Variants in PRDM2 observed in about 807,000 individuals in gnomAD.
The protein encoded by PRDM2 is PR domain zinc finger protein 2.
In PRDM2, 30 loss-of-function variants were observed where a neutral mutation model predicts 130.0. The ratio of observed to expected loss-of-function variants is 0.23; its 90% CI spans 0.17 to 0.31. PRDM2 has a LOEUF of 0.31. Ranked by LOEUF, PRDM2 falls within the 10% of genes least tolerant of loss-of-function variation. The pLI is 1.00. For synonymous variants in PRDM2, 871 were observed against 782.4 expected, an observed-to-expected ratio of 1.11 and a Z score of -1.89; for missense variants, 2,011 against 2,108.4, an observed-to-expected ratio of 0.95 and a Z score of 0.90.
chr1:13,729,860 G>A (rs1643046739), intron 2 of PRDM2, among the ~76,000 whole-genome samples: 1 of 152,180 alleles, frequency 6.6e-6, no homozygotes, highest in South Asian at 2.1e-4. Context: ...AGATGACCAT[G>A]TTTATAATGA....
At chr1:13,750,531 TC>T (rs1643796317) in intron 6 of PRDM2, among the ~76,000 whole-genome samples, 1 of 152,284 alleles carries the variant, frequency 6.6e-6, no homozygotes, top group Admixed American at 6.5e-5. Context: ...TATCGTAAAC[TC>T]GATTTGGGAA....
At chr1:13,813,252 G>T (rs944734809) in intron 8 of PRDM2, among the ~76,000 whole-genome samples, 1 of 152,158 alleles carries the variant, frequency 6.6e-6, no homozygotes, top group African/African-American at 2.4e-5. Context: ...ACAGCTAGTG[G>T]GTGGGAACCA....
Position 13,781,279 on chromosome 1 carries a change from T to C in PRDM2, c.3484T>C (p.Phe1162Leu). Residue 1162 changes from phenylalanine to leucine, a missense_variant, in exon 8 of 10, where the codon TTC (phenylalanine) becomes CTC (leucine). Physicochemically the swap from Phe to Leu is conservative, Grantham distance 22 (BLOSUM62 0). Coordinates refer to ENST00000311066, the MANE Select transcript of PRDM2 (RefSeq NM_001393986.1). The surrounding 1 kb of genome is among the most constrained non-coding windows in gnomAD (Gnocchi z 6.1). Reference sequence around the variant, plus strand: ...ATCTATTCATGCTGAAGAATGGCCCTTCAAATGTGAATTTTGTGTGCAGCT... The same window carrying C: ...ATCTATTCATGCTGAAGAATGGCCCCTCAAATGTGAATTTTGTGTGCAGCT... Reference protein sequence around the residue: ...HLSIHAEEWPFKCEFCVQLFK... With the variant: ...HLSIHAEEWPLKCEFCVQLFK... 8 of 1,614,262 alleles carry C rather than the reference T, an allele frequency of 5.0e-6. No homozygotes were observed. The highest frequency in any genetic ancestry group is 6.8e-6 in the Non-Finnish European group (8 of 1,180,050).
At chr1:13,734,856 T>C (rs1643218005) in intron 4 of PRDM2, among the ~76,000 whole-genome samples, 1 of 152,226 alleles carries the variant, frequency 6.6e-6, no homozygotes, top group African/African-American at 2.4e-5. Flanking sequence ...AGATATGACA[T>C]ACATGTGTAA....
chr1:13,766,308 CA>C (rs369860719), intron 6 of PRDM2, among the ~76,000 whole-genome samples: 9 of 152,266 alleles, frequency 5.9e-5, no homozygotes, highest in African/African-American at 2.2e-4. Context: ...GAAGACTCTG[CA>C]AAAGGGTGAG....
At chr1:13,776,458 A>G (rs1463625973) in intron 7 of PRDM2, among the ~76,000 whole-genome samples, 5 of 152,186 alleles carry the variant, frequency 3.3e-5, no homozygotes, top group African/African-American at 1.2e-4. Flanking sequence ...AACCGCGATT[A>G]CAGCTTCCGT....
At chr1:13,770,382 T>G (rs1325672447) in intron 6 of PRDM2, 1 of 457,982 alleles carries the variant, frequency 2.2e-6, no homozygotes, top group African/African-American at 2.1e-5. Flanking sequence ...ATTAAGATTG[T>G]ACTTCCTTTT....
At chr1:13,785,976 C>T (rs1210109) in intron 8 of PRDM2, among the ~76,000 whole-genome samples, 1 of 151,492 alleles carries the variant, frequency 6.6e-6, no homozygotes, top group Non-Finnish European at 1.5e-5. Context: ...GTAGCTGGGA[C>T]TACAGGTGCC....
intron 7 of PRDM2, among the ~76,000 whole-genome samples, chr1:13,774,026 GT>G (rs1381467635): frequency 5.9e-5 from 9 of 152,172 alleles, no homozygotes; most frequent in African/African-American, 2.2e-4. Flanking sequence ...AATGAAGTGT[GT>G]TTCTGTTTTT....
At chr1:13,775,035 G>A (rs1159190034) in intron 7 of PRDM2, among the ~76,000 whole-genome samples, 1 of 152,010 alleles carries the variant, frequency 6.6e-6, no homozygotes, top group African/African-American at 2.4e-5. Context: ...GCTGGTCAAA[G>A]TGGTGTCGTA....
chr1:13,732,475 C>A (rs1271986571), intron 3 of PRDM2, among the ~76,000 whole-genome samples: 1 of 152,086 alleles, frequency 6.6e-6, no homozygotes, highest in Non-Finnish European at 1.5e-5. Flanking sequence ...CTGTGTTATT[C>A]AAGTATTTGT....
chr1:13,717,412 G>A (rs563771108), intron 2 of PRDM2: 349 of 985,278 alleles, frequency 3.5e-4, no homozygotes, highest in Non-Finnish European at 4.1e-4. Flanking sequence ...TCTTGATCCT[G>A]CGTTAGAATG....
chr1:13,798,161 A>G (rs1411054602), intron 8 of PRDM2, among the ~76,000 whole-genome samples: 1 of 152,178 alleles, frequency 6.6e-6, no homozygotes, highest in East Asian at 1.9e-4. Context: ...AGGCCTGAGC[A>G]TGTGGTAGGA....
At chr1:13,711,509 C>A (rs982592683) in intron 1 of PRDM2, among the ~76,000 whole-genome samples, 1 of 152,182 alleles carries the variant, frequency 6.6e-6, no homozygotes, top group Non-Finnish European at 1.5e-5. Context: ...GTGTTGATTG[C>A]TCAAAGCAAT....
rs926744682 is a variant in PRDM2, at chr1:13,824,318, G to A, written c.*1183G>A. On this transcript the variant is annotated 3_prime_UTR_variant, in exon 10 of 10. Coordinates refer to ENST00000311066, the MANE Select transcript of PRDM2 (RefSeq NM_001393986.1). ...GGAAGGAGGGAGCTCTGATGAGCAC[G>A]GTTTGTCACACGATAAAGGGATTTT... The A allele has an allele frequency of 2.0e-5, 3 of 152,590 alleles. No homozygotes were observed. The highest frequency in any genetic ancestry group is 4.4e-5 in the Non-Finnish European group (3 of 68,022). The allele number at this position is 152,590 out of a possible 1,614,324, so 9.5% of individuals were successfully genotyped here. A position where few individuals can be genotyped will look rare whatever the true frequency, so the allele number is the denominator to read the frequency against.
chr1:13,779,607 A>G lies in PRDM2; in HGVS notation c.1812A>G (p.Pro604=), dbSNP rs912958330. The stretch of plus-strand genomic sequence containing the variant: ...ATGGTATAAATTGTCTGCTCACTCC[A>G]GTTACAGTGGAAATTACTCAAAATA... The part of the protein sequence containing the change: ...DLYGINCLLT[P]VTVEITQNIK... Residue 604 remains proline (P), a synonymous_variant, in exon 8 of 10, where the codon CCA becomes CCG. Transcript: ENST00000311066. The surrounding 1 kb of genome is among the most constrained non-coding windows in gnomAD (Gnocchi z 4.9). 1.2e-6 allele frequency: 2 copies of G among 1,613,968 alleles called. No homozygotes were observed. The highest frequency in any genetic ancestry group is 1.7e-6 in the Non-Finnish European group (2 of 1,179,962).
At chr1:13,822,783 C>G (rs930164063) in intron 9 of PRDM2, among the ~76,000 whole-genome samples, 1 of 152,086 alleles carries the variant, frequency 6.6e-6, no homozygotes, top group African/African-American at 2.4e-5. Context: ...CACAAACACT[C>G]GGTGGAAAAA....
At chr1:13,749,200 C>T (rs923902333) in intron 5 of PRDM2, among the ~76,000 whole-genome samples, 161 bp from the exon 6 acceptor site, 2 of 151,190 alleles carry the variant, frequency 1.3e-5, no homozygotes, top group African/African-American at 4.8e-5. Context: ...CGGCGCGGCC[C>T]GCACGGGGCC....
intron 8 of PRDM2, among the ~76,000 whole-genome samples, chr1:13,812,195 C>T (rs1386805993): frequency 3.3e-5 from 5 of 152,040 alleles, no homozygotes; most frequent in Non-Finnish European, 7.4e-5. Context: ...AGTGCAGTGG[C>T]AATTGCCACA....
Sources: allele counts gnomAD v4.1 joint callset (sites outside exome capture counted in the v4.1 genomes callset), GRCh38; gene constraint gnomAD v4.1.1; non-coding constraint Gnocchi (gnomAD v3.1); transcripts MANE v1.5; gene names NCBI Gene and HGNC (gene_info 2026-07-23, HGNC 2026-07-21).